TMEM132D: variants seen among roughly 807,000 people sequenced by gnomAD.
TMEM132D encodes the protein transmembrane protein 132D.
A neutral mutation model predicts 62.3 loss-of-function variants in TMEM132D; 21 were observed. That is an observed-to-expected ratio of 0.34 (90% CI 0.24 to 0.49). The LOEUF (loss-of-function observed/expected upper bound fraction) is 0.49. Among genes scored for constraint, TMEM132D ranks in the 20% least tolerant of loss-of-function variants. TMEM132D has a pLI of 0.99. For synonymous variants in TMEM132D, 621 were observed against 575.6 expected (o/e 1.08, Z -1.13); for missense variants, 1,346 against 1,402.8 (o/e 0.96, Z 0.65).
At chr12:129,648,547 G>T (rs567179870) in intron 2 of TMEM132D, among the ~76,000 whole-genome samples, 16 of 152,210 alleles carry the variant, frequency 1.1e-4, no homozygotes, top group Non-Finnish European at 8.8e-5. Context: ...CCATTGGGCA[G>T]TTACAGTTCA....
chr12:129,710,597 ATTAT>A (rs1462394698), intron 1 of TMEM132D, among the ~76,000 whole-genome samples: 1 of 152,104 alleles, frequency 6.6e-6, no homozygotes, highest in Non-Finnish European at 1.5e-5. Context: ...TGCCCCGCCG[ATTAT>A]TTAATTGGAA....
At chr12:129,432,143 ATGGATGGATGGATGCT>A (rs1481538611) in intron 3 of TMEM132D, among the ~76,000 whole-genome samples, 86 of 146,556 alleles carry the variant, frequency 5.9e-4, no homozygotes, top group Middle Eastern at 7.0e-3. Flanking sequence ...GGATGGATGG[ATGGATGGATGGATGCT>A]TGGATGGATG....
chr12:129,308,303 A>G (rs1284462738), intron 4 of TMEM132D, among the ~76,000 whole-genome samples: 1 of 152,200 alleles, frequency 6.6e-6, no homozygotes, highest in Non-Finnish European at 1.5e-5. Flanking sequence ...AGTGGGAACC[A>G]TGTTTTCTTT....
chr12:129,342,563 A>C (rs1317859496), intron 3 of TMEM132D, among the ~76,000 whole-genome samples: 1 of 152,210 alleles, frequency 6.6e-6, no homozygotes, highest in Non-Finnish European at 1.5e-5. Context: ...ACAGAAGCCA[A>C]AATTGACAAA....
intron 1 of TMEM132D, among the ~76,000 whole-genome samples, chr12:129,726,360 C>G (rs2137248607): frequency 6.6e-6 from 1 of 152,176 alleles, no homozygotes; most frequent in Middle Eastern, 3.4e-3. Context: ...CCAGATAAAG[C>G]TAGGAGGTGG....
chr12:129,078,778 G>A (rs2135611861), intron 7 of TMEM132D, 53 bp from the exon 8 acceptor site: 3 of 1,576,650 alleles, frequency 1.9e-6, no homozygotes, highest in Non-Finnish European at 2.6e-6. Flanking sequence ...TCCAGGCAAT[G>A]CCTCCAGTCA....
intron 3 of TMEM132D, among the ~76,000 whole-genome samples, chr12:129,496,638 ATAT>A (rs2137064061): frequency 6.7e-6 from 1 of 149,366 alleles, no homozygotes; most frequent in South Asian, 2.2e-4. Context: ...AGCAGTAACA[ATAT>A]TATTATATTT....
Position 129,832,035 on chromosome 12 carries a change from C to CTTTTTTTTTTT in TMEM132D, c.79+71215_79+71225dup, listed in dbSNP as rs71085577. On this transcript the variant is annotated intron_variant, in intron 1 of 8. Coordinates refer to ENST00000422113, the MANE Select transcript of TMEM132D (RefSeq NM_133448.3). ...CAGGCACCTGCCACCATGCCCGGCTCTTTTTTTTTTTTTTTTTTTTTTTTT... is the reference window on the plus strand; with the variant it reads ...CAGGCACCTGCCACCATGCCCGGCTCTTTTTTTTTTTTTTTTTTTTTTTTTTTTTTTTTTTT... 2.0e-4 allele frequency among the ~76,000 whole-genome samples: 19 copies of CTTTTTTTTTTT among 94,148 alleles called. 2 individuals carry two copies. The highest frequency in any genetic ancestry group is 3.8e-4 in the South Asian group (1 of 2,646). The allele number at this position is 94,148 out of a possible 152,430, so 61.8% of individuals were successfully genotyped here.
Position 129,367,784 on chromosome 12 carries a change from T to C in TMEM132D, c.1116-29967A>G, listed in dbSNP as rs866577432. Among the ~76,000 whole-genome samples the C allele has an allele frequency of 2.7e-3, 407 of 150,984 alleles. 3 individuals are homozygous for C. Among genetic ancestry groups the C allele is most frequent in the African/African-American group, 9.3e-3 (385 of 41,240 alleles). On this transcript the variant is annotated intron_variant, in intron 3 of 8. Transcript: ENST00000422113. ...TCTTTTTCCATTTCTTTTCTTTTTT[T>C]TTTTTTTTTTCGTTTTTTTGAGACA...
chr12:129,435,746 G>T (rs1041886330), intron 3 of TMEM132D, among the ~76,000 whole-genome samples: 22 of 152,124 alleles, frequency 1.4e-4, no homozygotes, highest in African/African-American at 5.3e-4. Flanking sequence ...GATATTTGTT[G>T]CTTGTACTTA....
At chr12:129,153,640 TAA>T (rs894569743) in intron 5 of TMEM132D, among the ~76,000 whole-genome samples, 6 of 152,106 alleles carry the variant, frequency 3.9e-5, no homozygotes, top group African/African-American at 1.4e-4. Context: ...CAAAATTATA[TAA>T]GTGACTTTTG....
At chr12:129,540,373 CA>C (rs1876551378) in intron 2 of TMEM132D, among the ~76,000 whole-genome samples, 1 of 152,090 alleles carries the variant, frequency 6.6e-6, no homozygotes, top group Non-Finnish European at 1.5e-5. Context: ...CCCCACTACT[CA>C]AAATAAGTAA....
At chr12:129,247,864 GTTT>G (rs34018738) in intron 4 of TMEM132D, among the ~76,000 whole-genome samples, 48 of 145,834 alleles carry the variant, frequency 3.3e-4, no homozygotes, top group African/African-American at 1.1e-3. Context: ...CAATGAGCAG[GTTT>G]TTTTTTTTTT....
intron 2 of TMEM132D, among the ~76,000 whole-genome samples, chr12:129,676,379 A>G (rs11060493): frequency 6.6e-6 from 1 of 152,082 alleles, no homozygotes; most frequent in Non-Finnish European, 1.5e-5. Flanking sequence ...TCTATCATCT[A>G]TCCATCTGTC....
chr12:129,334,908 A>G (rs1181168768), intron 4 of TMEM132D, among the ~76,000 whole-genome samples: 2 of 151,900 alleles, frequency 1.3e-5, no homozygotes, highest in Admixed American at 1.3e-4. Context: ...TTTTAATCCA[A>G]TACATTTAAT....
At chr12:129,522,550 G>A (rs1875880526) in intron 3 of TMEM132D, 1 of 152,128 alleles carries the variant, frequency 6.6e-6, no homozygotes, top group South Asian at 2.1e-4. Flanking sequence ...ACGGTAAAGG[G>A]TTGTCATGGA....
intron 3 of TMEM132D, among the ~76,000 whole-genome samples, chr12:129,447,647 A>G (rs1370270586): frequency 6.6e-6 from 1 of 152,206 alleles, no homozygotes; most frequent in African/African-American, 2.4e-5. Flanking sequence ...CAAAAGGTTC[A>G]TTGCTATCTA....
At chr12:129,656,242 G>A (rs985221115) in intron 2 of TMEM132D, among the ~76,000 whole-genome samples, 7 of 151,188 alleles carry the variant, frequency 4.6e-5, no homozygotes, top group Admixed American at 2.0e-4. Context: ...AAGGAGAGAA[G>A]GAAGAAAAGA....
chr12:129,423,244 T>A (rs572684340), intron 3 of TMEM132D, among the ~76,000 whole-genome samples: 24 of 152,292 alleles, frequency 1.6e-4, no homozygotes, highest in South Asian at 4.1e-4. Flanking sequence ...TATCACGTGA[T>A]GATTTCCTTT....
Sources: gnomAD v4.1 joint callset for allele counts (sites outside exome capture counted in the v4.1 genomes callset) on GRCh38, gnomAD v4.1.1 for gene constraint, MANE v1.5 for transcripts, NCBI Gene and HGNC (gene_info 2026-07-23, HGNC 2026-07-21) for gene names.